The following PLCXD3 variants were observed in gnomAD, a reference collection of about 807,000 sequenced individuals.
PLCXD3 encodes phosphatidylinositol specific phospholipase C X domain containing 3, also known as PI-PLC X domain-containing protein 3.
A neutral mutation model predicts 25.5 loss-of-function variants in PLCXD3; 19 were observed. That is an observed-to-expected ratio of 0.75 (90% confidence interval 0.52 to 1.09). PLCXD3 has a LOEUF of 1.09. Ranked by LOEUF, PLCXD3 falls within the 50% of genes least tolerant of loss-of-function variation. The pLI, the probability that PLCXD3 is intolerant of heterozygous loss-of-function variation, is 0.00. For synonymous variants in PLCXD3, 174 were observed against 137.6 expected, an observed-to-expected ratio of 1.26 and a Z score of -1.85; for missense variants, 411 against 388.1, an observed-to-expected ratio of 1.06 and a Z score of -0.50.
chr5:41,386,152 G>A (rs370414535), intron 1 of PLCXD3, among the ~76,000 whole-genome samples: 17 of 152,214 alleles, frequency 1.1e-4, no homozygotes, highest in African/African-American at 4.1e-4. Context: ...AAAGGGAGGA[G>A]TTGGAATTTC....
At chr5:41,401,393 A>G (rs1051514111) in intron 1 of PLCXD3, among the ~76,000 whole-genome samples, 4 of 152,084 alleles carry the variant, frequency 2.6e-5, no homozygotes, top group African/African-American at 7.2e-5. Context: ...ATGACACGAT[A>G]TAAGAGTCAA....
chr5:41,382,450 G>C lies in PLCXD3; in HGVS notation c.188C>G (p.Ser63Cys). 6.2e-7 allele frequency: 1 copy of C among 1,613,184 alleles called. No individual in the cohort carries two copies. Among genetic ancestry groups the C allele is most frequent in the Non-Finnish European group, 8.5e-7 (1 of 1,179,678 alleles). ...CTTTTTGGCCACAGTTCCAAACACA[G>C]AGACAAAATTCTGGACAGTTTCTGG... Reference protein sequence around the residue: ...EQPETVQNFVSVFGTVAKKLM... With the variant: ...EQPETVQNFVCVFGTVAKKLM... The change falls in exon 2 of 3, where the codon TCT (serine) becomes TGT (cysteine). Residue 63 changes from serine to cysteine, a missense_variant. Transcript: ENST00000377801.
chr5:41,410,982 C>A (rs992034867), intron 1 of PLCXD3, among the ~76,000 whole-genome samples: 1 of 152,134 alleles, frequency 6.6e-6, no homozygotes, highest in Non-Finnish European at 1.5e-5. Context: ...ACCACAGGAG[C>A]AGCTCTTATG....
At chr5:41,383,538 C>T (rs568315832) in intron 1 of PLCXD3, among the ~76,000 whole-genome samples, 1 of 152,094 alleles carries the variant, frequency 6.6e-6, no homozygotes, top group Admixed American at 6.6e-5. Context: ...TAGGCATAAC[C>T]CACTGAAGAG....
At position 41,453,731 on chromosome 5, in the gene PLCXD3, G is replaced by A. The variant is rs756023159; in HGVS notation, c.103+56693C>T. On this transcript the variant is annotated intron_variant, in intron 1 of 2. Transcript: ENST00000377801. ...AATTTATAAGCTTTCTCTGCCTAGG[G>A]TTGTGCAAACTTAGACTCCAATGCT... Among the ~76,000 whole-genome samples, 14 of 152,014 alleles carry A rather than the reference G, an allele frequency of 9.2e-5. No individual in the cohort carries two copies. In the South Asian group the frequency reaches 2.9e-3, roughly 32 times the overall value.
chr5:41,369,194 C>T (rs551298911), intron 2 of PLCXD3, among the ~76,000 whole-genome samples: 6 of 152,246 alleles, frequency 3.9e-5, no homozygotes, highest in Non-Finnish European at 5.9e-5. Context: ...TAAATAACCA[C>T]GTAACCCCTA....
rs748185962 is a variant in PLCXD3 at position 41,382,538 on chromosome 5, G to A, written c.104-4C>T. 1 of 1,582,508 alleles carries A rather than the reference G, an allele frequency of 6.3e-7. No homozygotes were observed. The highest frequency in any genetic ancestry group is 8.6e-7 in the Non-Finnish European group (1 of 1,168,744). ...AAGCTGAAGGAATCATGAGACCCTA[G>A]GAGAATAACAAGGCATAGTGTGGTT... is the stretch of plus-strand genomic sequence containing the variant. On this transcript the variant is annotated splice_region_variant and splice_polypyrimidine_tract_variant and intron_variant, in intron 1 of 2. Transcript: ENST00000377801.
chr5:41,428,380 TTGTTTTTGTTTTTG>T (rs1561270571), intron 1 of PLCXD3, among the ~76,000 whole-genome samples: 3 of 119,064 alleles, frequency 2.5e-5, no homozygotes, highest in Non-Finnish European at 1.8e-5. Flanking sequence ...ATGAGTTTTT[TTGTTTTTGTTTTTG>T]TTTTTTTTAG....
intron 1 of PLCXD3, among the ~76,000 whole-genome samples, chr5:41,396,611 A>G (rs1228760538): frequency 1.3e-5 from 2 of 152,212 alleles, no homozygotes; most frequent in African/African-American, 2.4e-5. Flanking sequence ...TAATGGGCTG[A>G]GTTTAGAACA....
intron 1 of PLCXD3, among the ~76,000 whole-genome samples, chr5:41,441,401 G>C (rs971243541): frequency 1.3e-5 from 2 of 152,172 alleles, no homozygotes; most frequent in East Asian, 1.9e-4. Context: ...AATGCATTGG[G>C]AATACGTTCG....
At chr5:41,333,487 G>C (rs1057029987) in intron 2 of PLCXD3, among the ~76,000 whole-genome samples, 4 of 152,096 alleles carry the variant, frequency 2.6e-5, no homozygotes, top group Admixed American at 6.6e-5. Flanking sequence ...ACAATGGTGA[G>C]GGGTTCAAAA....
intron 2 of PLCXD3, among the ~76,000 whole-genome samples, chr5:41,338,446 C>T (rs1256541325): frequency 6.6e-6 from 1 of 152,060 alleles, no homozygotes; most frequent in Non-Finnish European, 1.5e-5. Flanking sequence ...TACTAACATG[C>T]GTGCATGCAT....
intron 1 of PLCXD3, chr5:41,475,717 C>T (rs375518786): frequency 2.2e-5 from 12 of 534,630 alleles, no homozygotes; most frequent in Non-Finnish European, 4.2e-5. Context: ...ACAGTTACTA[C>T]TTGAGACTGT....
chr5:41,473,085 T>C (rs972350166), intron 1 of PLCXD3, among the ~76,000 whole-genome samples: 2 of 152,106 alleles, frequency 1.3e-5, no homozygotes. Flanking sequence ...AGCACTTTTA[T>C]TGCCTAAAAA....
At chr5:41,335,707 T>G (rs1265764802) in intron 2 of PLCXD3, among the ~76,000 whole-genome samples, 4 of 152,136 alleles carry the variant, frequency 2.6e-5, no homozygotes, top group Non-Finnish European at 5.9e-5. Context: ...CAAGTGTTTA[T>G]TGAGTACCCA....
chr5:41,480,818 G>A (rs1402644180), intron 1 of PLCXD3, among the ~76,000 whole-genome samples: 2 of 152,060 alleles, frequency 1.3e-5, no homozygotes, highest in African/African-American at 2.4e-5. Flanking sequence ...CTACTCAGGA[G>A]GCTGAGGCTT....
intron 2 of PLCXD3, among the ~76,000 whole-genome samples, chr5:41,337,019 C>T (rs534314959): frequency 3.3e-5 from 5 of 152,244 alleles, no homozygotes; most frequent in East Asian, 1.9e-4. Flanking sequence ...GTAAGAATTA[C>T]GAGTGGCCTC....
intron 1 of PLCXD3, among the ~76,000 whole-genome samples, chr5:41,421,969 T>C (rs561343317): frequency 7.8e-6 from 1 of 127,692 alleles, no homozygotes; most frequent in African/African-American, 3.0e-5. Flanking sequence ...CTCAGAAATA[T>C]AAACAACCTA....
At chr5:41,458,572 A>G (rs1202719626) in intron 1 of PLCXD3, among the ~76,000 whole-genome samples, 1 of 151,992 alleles carries the variant, frequency 6.6e-6, no homozygotes, top group Non-Finnish European at 1.5e-5. Flanking sequence ...AACTGTGTTA[A>G]GTGTTGGGAC....
Sources: gnomAD v4.1 joint callset for allele counts (sites outside exome capture counted in the v4.1 genomes callset) on GRCh38, gnomAD v4.1.1 for gene constraint, MANE v1.5 for transcripts, NCBI Gene and HGNC (gene_info 2026-07-23, HGNC 2026-07-21) for gene names.